The following TENM3 variants were observed in gnomAD, a reference collection of about 807,000 sequenced individuals.
TENM3 encodes teneurin-3.
In TENM3, 63 loss-of-function variants were observed where a neutral mutation model predicts 255.1. That is an observed-to-expected ratio of 0.25 (90% CI 0.20 to 0.30). TENM3 has a LOEUF of 0.30. TENM3 is among the 10% of genes least tolerant of loss of function. TENM3 has a pLI of 1.00. For synonymous variants in TENM3, 1,306 were observed against 1,322.3 expected (o/e 0.99, Z 0.27); for missense variants, 2,929 against 3,461.1 (o/e 0.85, Z 3.86).
chr4:182,699,242 G>A (rs1162798441), intron 12 of TENM3, among the ~76,000 whole-genome samples: 1 of 152,214 alleles, frequency 6.6e-6, no homozygotes, highest in Non-Finnish European at 1.5e-5. Flanking sequence ...AGCTGTTTCA[G>A]AAAGAATGGA....
chr4:182,449,050 C>A, intron 3 of TENM3: 1 of 366,814 alleles, frequency 2.7e-6, no homozygotes, highest in South Asian at 1.8e-5. Flanking sequence ...GGGCTCGGTT[C>A]CTCACGGCCA....
chr4:181,964,557 TC>T, the TENM3 span, among the ~76,000 whole-genome samples: 3 of 149,352 alleles, frequency 2.0e-5, no homozygotes, highest in African/African-American at 7.4e-5. Context: ...CCTCTCTTCA[TC>T]CCCCCAACAC....
At chr4:181,829,522 G>A in the TENM3 span, among the ~76,000 whole-genome samples, 1 of 152,056 alleles carries the variant, frequency 6.6e-6, no homozygotes, top group African/African-American at 2.4e-5. Flanking sequence ...GCCTAAAGTT[G>A]ATCAGGTTTA....
the TENM3 span, among the ~76,000 whole-genome samples, chr4:181,656,002 C>A: frequency 1.3e-5 from 2 of 152,194 alleles, no homozygotes; most frequent in Non-Finnish European, 2.9e-5. Context: ...TGAGGAGGCT[C>A]TGCCATCCTT....
rs10522655 is a variant in TENM3 at position 182,727,455 on chromosome 4, C to CAAAAAA, written c.2369-1506_2369-1501dup. The stretch of plus-strand genomic sequence containing the variant: ...TGGGTGACAGAGGAAGACTCAGTCT[C>CAAAAAA]AAAAAAAAAGAAAGAAAAATTCATG... On this transcript the variant is annotated intron_variant, in intron 13 of 27. Coordinates refer to ENST00000511685, the MANE Select transcript of TENM3 (RefSeq NM_001080477.4). 1.0e-4 allele frequency among the ~76,000 whole-genome samples: 12 copies of CAAAAAA among 119,260 alleles called. 2 individuals are homozygous for CAAAAAA. The highest frequency in any genetic ancestry group is 1.2e-4 in the Non-Finnish European group (7 of 58,372). The allele number at this position is 119,260 out of a possible 152,430, so 78.2% of individuals were successfully genotyped here.
At chr4:181,554,306 T>C in the TENM3 span, among the ~76,000 whole-genome samples, 88 of 152,260 alleles carry the variant, frequency 5.8e-4, no homozygotes, top group Non-Finnish European at 9.9e-4. Context: ...CATGTACAGC[T>C]AAAGAAAACA....
At chr4:182,368,799 G>A (rs1416767050) in intron 3 of TENM3, among the ~76,000 whole-genome samples, 1 of 152,104 alleles carries the variant, frequency 6.6e-6, no homozygotes, top group Non-Finnish European at 1.5e-5. Context: ...TAGCTTGTAC[G>A]GCATGTGCAG....
At chr4:181,610,665 C>T in the TENM3 span, among the ~76,000 whole-genome samples, 1 of 151,940 alleles carries the variant, frequency 6.6e-6, no homozygotes, top group Non-Finnish European at 1.5e-5. Context: ...TCATAAATAA[C>T]TTCAGAGAAG....
chr4:182,552,295 A>G (rs1742127800), intron 3 of TENM3, among the ~76,000 whole-genome samples: 1 of 152,178 alleles, frequency 6.6e-6, no homozygotes, highest in South Asian at 2.1e-4. Context: ...AAAGAAAAAA[A>G]GTTAACTCTT....
chr4:182,140,099 TG>T (rs1312570080), upstream of TENM3, among the ~76,000 whole-genome samples: 1 of 152,194 alleles, frequency 6.6e-6, no homozygotes, highest in African/African-American at 2.4e-5. Context: ...TTTTTGCCAG[TG>T]GGGGGAAAAC....
the TENM3 span, among the ~76,000 whole-genome samples, chr4:181,806,802 T>C: frequency 6.6e-6 from 1 of 152,242 alleles, no homozygotes; most frequent in Non-Finnish European, 1.5e-5. Context: ...TACCACGTAA[T>C]AGGAGAATCC....
chr4:182,404,853 G>A (rs1769450238), intron 3 of TENM3, among the ~76,000 whole-genome samples: 1 of 152,198 alleles, frequency 6.6e-6, no homozygotes, highest in South Asian at 2.1e-4. Flanking sequence ...ACACAGCTGT[G>A]AGCTGAGGAC....
the TENM3 span, among the ~76,000 whole-genome samples, chr4:181,480,429 C>A: frequency 6.6e-6 from 1 of 152,066 alleles, no homozygotes; most frequent in Admixed American, 6.5e-5. Context: ...CTTTTACTGA[C>A]ACTTGTTATC....
the TENM3 span, among the ~76,000 whole-genome samples, chr4:181,924,095 A>G: frequency 5.5e-4 from 83 of 152,272 alleles, no homozygotes; most frequent in Non-Finnish European, 1.0e-3. Context: ...TTGCAGAGCA[A>G]CCTAGAGAGA....
chr4:181,750,320 T>A, the TENM3 span, among the ~76,000 whole-genome samples: 9 of 152,096 alleles, frequency 5.9e-5, no homozygotes. Context: ...GTGTCCTAAA[T>A]GATGAAAAAG....
intron 1 of TENM3, among the ~76,000 whole-genome samples, chr4:182,158,239 T>C (rs547802336): frequency 1.3e-5 from 2 of 152,314 alleles, no homozygotes; most frequent in African/African-American, 4.8e-5. Flanking sequence ...AGAAGATGGA[T>C]TGTGTGAAAT....
At chr4:181,586,794 C>T in the TENM3 span, among the ~76,000 whole-genome samples, 3 of 152,006 alleles carry the variant, frequency 2.0e-5, no homozygotes, top group South Asian at 2.1e-4. Context: ...GAGCTGAGAT[C>T]GCACCACTGC....
the TENM3 span, among the ~76,000 whole-genome samples, chr4:181,830,183 C>A: frequency 1.3e-5 from 2 of 152,098 alleles, no homozygotes; most frequent in Admixed American, 6.5e-5. Flanking sequence ...AAGAGTGCTA[C>A]GTTTAGGTGG....
chr4:182,768,359 A>G (rs1206555602), intron 22 of TENM3, among the ~76,000 whole-genome samples: 3 of 152,208 alleles, frequency 2.0e-5, no homozygotes, highest in Non-Finnish European at 4.4e-5. Flanking sequence ...TAAATTTGCA[A>G]CATCAATAGG....
Sources: allele counts gnomAD v4.1 joint callset (sites outside exome capture counted in the v4.1 genomes callset), GRCh38; gene constraint gnomAD v4.1.1; transcripts MANE v1.5; gene names NCBI Gene and HGNC (gene_info 2026-07-23, HGNC 2026-07-21).